The following CHCHD6 variants were observed in gnomAD, a reference collection of about 807,000 sequenced individuals.
CHCHD6 encodes coiled-coil-helix-coiled-coil-helix domain containing 6, also known as MICOS complex subunit MIC25.
CHCHD6 carries 28 observed loss-of-function variants against 32.3 expected under a neutral mutation model. The observed-to-expected ratio is 0.87, with a 90% CI of 0.64 to 1.19. The LOEUF is 1.19. Ranked by LOEUF, CHCHD6 falls within the 50% of genes most tolerant of loss-of-function variation. The probability of loss-of-function intolerance (pLI) is 0.00; values close to 1 mark genes in which losing one functional copy is unlikely to be tolerated. For synonymous variants in CHCHD6, 122 were observed against 117.5 expected, an observed-to-expected ratio of 1.04 and a Z score of -0.25; for missense variants, 333 against 307.0, an observed-to-expected ratio of 1.08 and a Z score of -0.63.
rs1940858517 is a variant in CHCHD6, at chr3:126,836,284, TCCCACTCAGAGG to T, written c.412-16360_412-16349del. 1.3e-5 allele frequency among the ~76,000 whole-genome samples: 2 copies of T among 152,188 alleles called. 1 individual carries two copies. Among genetic ancestry groups the T allele is most frequent in the South Asian group, 4.1e-4 (2 of 4,826 alleles). On this transcript the variant is annotated intron_variant, in intron 4 of 7. Coordinates refer to ENST00000290913, the MANE Select transcript of CHCHD6 (RefSeq NM_032343.3). ...TGTCTCTCGAATATGTCATGTTTGTTCCCACTCAGAGGCCTTTGCATTGGTTTTTTCAGCAGG... is the reference window on the plus strand; with the variant it reads ...TGTCTCTCGAATATGTCATGTTTGTTCCTTTGCATTGGTTTTTTCAGCAGG...
chr3:126,740,429 T>C (rs1328398996), intron 4 of CHCHD6, among the ~76,000 whole-genome samples: 1 of 152,160 alleles, frequency 6.6e-6, no homozygotes, highest in African/African-American at 2.4e-5. Context: ...ATTAAGAAAA[T>C]TCTCATAACT....
At chr3:126,769,099 C>T (rs767316545) in intron 4 of CHCHD6, among the ~76,000 whole-genome samples, 3 of 152,040 alleles carry the variant, frequency 2.0e-5, no homozygotes, top group Admixed American at 6.6e-5. Context: ...GTCTTTGTTG[C>T]GAAATATTTG....
At chr3:126,832,563 G>A (rs1450025720) in intron 4 of CHCHD6, among the ~76,000 whole-genome samples, 4 of 152,194 alleles carry the variant, frequency 2.6e-5, no homozygotes, top group African/African-American at 9.7e-5. Context: ...CAGATTCTGA[G>A]CCGTGAAGTC....
intron 4 of CHCHD6, among the ~76,000 whole-genome samples, chr3:126,757,536 G>A (rs753272510): frequency 6.6e-6 from 1 of 152,208 alleles, no homozygotes; most frequent in African/African-American, 2.4e-5. Context: ...TCCGCAGCAA[G>A]CTCAAACTAG....
intron 6 of CHCHD6, among the ~76,000 whole-genome samples, chr3:126,950,433 T>A (rs1255894762): frequency 6.6e-6 from 1 of 152,186 alleles, no homozygotes; most frequent in African/African-American, 2.4e-5. Flanking sequence ...TTGTCATGGA[T>A]GGAAGGGAAT....
intron 4 of CHCHD6, among the ~76,000 whole-genome samples, chr3:126,793,155 A>T (rs966511772): frequency 6.6e-6 from 1 of 152,042 alleles, no homozygotes; most frequent in South Asian, 2.1e-4. Context: ...GGTCTTTTTT[A>T]AAAAGTCCAT....
chr3:126,823,570 G>T lies in CHCHD6; in HGVS notation c.412-29077G>T, dbSNP rs568933728. On this transcript the variant is annotated intron_variant, in intron 4 of 7. Transcript: ENST00000290913. ...TAATTGATTTTTATGTATTGACTTT[G>T]ATAAATTGACTTACTAGTTCATGTA... 5.8e-4 allele frequency among the ~76,000 whole-genome samples: 88 copies of T among 152,142 alleles called. 2 individuals are homozygous for T. Among genetic ancestry groups the T allele is most frequent in the Non-Finnish European group, 7.4e-5 (5 of 67,986 alleles).
chr3:126,707,215 G>A (rs1047283242), intron 1 of CHCHD6, among the ~76,000 whole-genome samples: 7 of 150,552 alleles, frequency 4.6e-5, no homozygotes, highest in Non-Finnish European at 7.4e-5. Flanking sequence ...GCAGTGAGCC[G>A]AGATTATGCC....
At chr3:126,938,856 G>A (rs1274853538) in intron 6 of CHCHD6, among the ~76,000 whole-genome samples, 2 of 152,080 alleles carry the variant, frequency 1.3e-5, no homozygotes, top group East Asian at 1.9e-4. Flanking sequence ...TCCTGCCACC[G>A]GCAGCGATCT....
intron 1 of CHCHD6, among the ~76,000 whole-genome samples, chr3:126,723,200 A>T (rs1935387204): frequency 6.6e-6 from 1 of 152,100 alleles, no homozygotes; most frequent in Non-Finnish European, 1.5e-5. Flanking sequence ...TAGTTATTTG[A>T]TTGTATATAT....
At chr3:126,863,674 A>C (rs1201158477) in intron 5 of CHCHD6, among the ~76,000 whole-genome samples, 3 of 91,556 alleles carry the variant, frequency 3.3e-5, no homozygotes, top group Admixed American at 1.1e-4. Flanking sequence ...CACCATCACC[A>C]CCTCCTCCTC....
At chr3:126,836,676 G>A (rs62263282) in intron 4 of CHCHD6, among the ~76,000 whole-genome samples, 5,280 of 152,308 alleles carry the variant, frequency 0.035, 143 homozygotes, top group Non-Finnish European at 0.05. Context: ...GCAAAGCGCT[G>A]TAGCAGAGAT....
Position 126,704,254 on chromosome 3 carries a change from C to A in CHCHD6, c.-59C>A. The A allele has an allele frequency of 1.4e-6, 2 of 1,406,932 alleles. No homozygotes were observed. Among genetic ancestry groups the A allele is most frequent in the Non-Finnish European group, 2.0e-6 (2 of 1,006,878 alleles). 87.2% of individuals were successfully genotyped at this position (1,406,932 alleles called of 1,614,324 possible). ...GCGAGTCCTGGAAAGCGTTGTTGGC[C>A]CGGTTGCTCTGGAGCCGGGTCTCGG... On this transcript the variant is annotated 5_prime_UTR_variant, in exon 1 of 8. Transcript: ENST00000290913.
intron 4 of CHCHD6, among the ~76,000 whole-genome samples, chr3:126,782,842 A>C (rs1241447146): frequency 1.3e-5 from 2 of 152,174 alleles, no homozygotes; most frequent in South Asian, 2.1e-4. Context: ...CTCCACCCCC[A>C]AAACACACAT....
chr3:126,753,885 A>AG (rs1355318198), intron 4 of CHCHD6, among the ~76,000 whole-genome samples: 1 of 152,186 alleles, frequency 6.6e-6, no homozygotes, highest in African/African-American at 2.4e-5. Flanking sequence ...GGAGAAGCTC[A>AG]GCAGTACCTG....
chr3:126,879,200 C>T (rs191319571), intron 5 of CHCHD6, among the ~76,000 whole-genome samples: 3 of 152,282 alleles, frequency 2.0e-5, no homozygotes, highest in Admixed American at 1.3e-4. Context: ...TTGGTTGAAG[C>T]AGTCAGAATT....
chr3:126,843,221 C>T (rs888393416), intron 4 of CHCHD6, among the ~76,000 whole-genome samples: 9 of 152,020 alleles, frequency 5.9e-5, no homozygotes, highest in African/African-American at 1.9e-4. Context: ...TGGTGAAGTA[C>T]GTTGTTATGC....
At chr3:126,798,736 G>A (rs758407785) in intron 4 of CHCHD6, among the ~76,000 whole-genome samples, 2 of 152,122 alleles carry the variant, frequency 1.3e-5, no homozygotes, top group Non-Finnish European at 2.9e-5. Context: ...GTCACAGATA[G>A]CCAGCTGCCC....
chr3:126,877,274 G>A (rs970440428), intron 5 of CHCHD6, among the ~76,000 whole-genome samples: 11 of 152,106 alleles, frequency 7.2e-5, no homozygotes, highest in African/African-American at 2.7e-4. Flanking sequence ...TTAAGTCAAC[G>A]GCCGGGCGTG....
Sources: gnomAD v4.1 joint callset for allele counts (sites outside exome capture counted in the v4.1 genomes callset) on GRCh38, gnomAD v4.1.1 for gene constraint, MANE v1.5 for transcripts, NCBI Gene and HGNC (gene_info 2026-07-23, HGNC 2026-07-21) for gene names.